The following RCOR1 variants were observed in gnomAD, a reference collection of about 807,000 sequenced individuals.
RCOR1 encodes the protein REST corepressor.
A neutral mutation model predicts 64.0 loss-of-function variants in RCOR1; 12 were observed. The observed-to-expected ratio is 0.19, with a 90% confidence interval of 0.12 to 0.30. RCOR1 has a LOEUF of 0.30. Among genes scored for constraint, RCOR1 ranks in the 10% least tolerant of loss-of-function variants. RCOR1 has a pLI of 1.00. For synonymous variants in RCOR1, 279 were observed against 227.2 expected (o/e 1.23, Z -2.05); for missense variants, 502 against 621.2 (o/e 0.81, Z 2.04).
At chr14:102,678,228 A>G (rs1895232082) in intron 2 of RCOR1, among the ~76,000 whole-genome samples, 1 of 151,774 alleles carries the variant, frequency 6.6e-6, no homozygotes, top group Non-Finnish European at 1.5e-5. Flanking sequence ...GACGAGAGGG[A>G]GAGGGAGAGG....
chr14:102,700,824 ATTAG>A (rs778876315), intron 3 of RCOR1, among the ~76,000 whole-genome samples: 7 of 152,030 alleles, frequency 4.6e-5, no homozygotes, highest in African/African-American at 1.2e-4. Flanking sequence ...GGACAAGTGT[ATTAG>A]TCCGTTTTTA....
At chr14:102,673,825 G>A (rs922733992) in intron 2 of RCOR1, among the ~76,000 whole-genome samples, 1 of 151,672 alleles carries the variant, frequency 6.6e-6, no homozygotes, top group African/African-American at 2.4e-5. Context: ...ATGTTGCTCA[G>A]GCTGGTCTCG....
chr14:102,603,500 T>C (rs1284342415), intron 2 of RCOR1, among the ~76,000 whole-genome samples: 2 of 152,138 alleles, frequency 1.3e-5, no homozygotes, highest in Non-Finnish European at 2.9e-5. Context: ...AATATTTGTA[T>C]TTTTTGTAGA....
chr14:102,606,681 G>T (rs553911070), intron 2 of RCOR1, among the ~76,000 whole-genome samples: 2 of 151,122 alleles, frequency 1.3e-5, no homozygotes, highest in Non-Finnish European at 2.9e-5. Flanking sequence ...CCCCAGGCTG[G>T]AGTGCAGTGG....
chr14:102,650,978 C>T, intron 2 of RCOR1: 1 of 844,920 alleles, frequency 1.2e-6, no homozygotes. Context: ...GACTTAGACT[C>T]ATAATAGAAT....
chr14:102,671,206 G>A (rs1895027111), intron 2 of RCOR1, among the ~76,000 whole-genome samples: 1 of 152,082 alleles, frequency 6.6e-6, no homozygotes, highest in South Asian at 2.1e-4. Flanking sequence ...TTCTGACTCA[G>A]GTCATTGAGG....
chr14:102,676,733 A>ACC (rs1336016586), intron 2 of RCOR1, among the ~76,000 whole-genome samples: 9 of 50,766 alleles, frequency 1.8e-4, no homozygotes, highest in Admixed American at 4.0e-4. Context: ...CGGGGGGCTG[A>ACC]CCCCCCCCAC....
At chr14:102,599,973 G>T (rs1893351937) in intron 2 of RCOR1, among the ~76,000 whole-genome samples, 1 of 152,084 alleles carries the variant, frequency 6.6e-6, no homozygotes. Context: ...TTGAGCCCAG[G>T]CTGGTCTCTA....
At chr14:102,699,923 C>T (rs527264625) in intron 3 of RCOR1, among the ~76,000 whole-genome samples, 28 of 152,200 alleles carry the variant, frequency 1.8e-4, no homozygotes, top group African/African-American at 6.3e-4. Flanking sequence ...TTGGGGGTGG[C>T]AGCTTCTCCT....
At chr14:102,616,343 C>A (rs1893763095) in intron 2 of RCOR1, among the ~76,000 whole-genome samples, 1 of 152,002 alleles carries the variant, frequency 6.6e-6, no homozygotes, top group Non-Finnish European at 1.5e-5. Flanking sequence ...GATCACAGCT[C>A]ACTGCAGCTT....
chr14:102,639,497 T>TTTTTTTTATTTA (rs1555463397), intron 2 of RCOR1, among the ~76,000 whole-genome samples: 2 of 135,388 alleles, frequency 1.5e-5, no homozygotes, highest in Non-Finnish European at 3.1e-5. Flanking sequence ...ATTTTTTAAT[T>TTTTTTTTATTTA]TTTATTTATT....
At chr14:102,719,478 CTA>C (rs1595245479) in intron 8 of RCOR1, among the ~76,000 whole-genome samples, 2 of 152,098 alleles carry the variant, frequency 1.3e-5, no homozygotes, top group East Asian at 3.9e-4. Flanking sequence ...CAATTCCCAC[CTA>C]TGAGTGAGAA....
chr14:102,676,280 G>A (rs905076759), intron 2 of RCOR1, among the ~76,000 whole-genome samples: 11 of 148,388 alleles, frequency 7.4e-5, no homozygotes, highest in African/African-American at 1.0e-4. Context: ...CTTCCCAGTA[G>A]GGGCGGCCGG....
chr14:102,720,030 C>G (rs991648866), intron 8 of RCOR1, among the ~76,000 whole-genome samples: 2 of 152,124 alleles, frequency 1.3e-5, no homozygotes, highest in African/African-American at 4.8e-5. Flanking sequence ...CCAGCAGCCC[C>G]ATGTGTGGTT....
At chr14:102,636,425 C>A (rs987772401) in intron 2 of RCOR1, among the ~76,000 whole-genome samples, 5 of 151,838 alleles carry the variant, frequency 3.3e-5, no homozygotes, top group African/African-American at 7.3e-5. Flanking sequence ...TTACAGGTGC[C>A]TGCCACCACA....
At chr14:102,655,126 T>C in intron 2 of RCOR1, 2 of 310,172 alleles carry the variant, frequency 6.4e-6, no homozygotes, top group Non-Finnish European at 9.3e-6. Flanking sequence ...TTTTTTTTTT[T>C]TTTTTTTTTA....
chr14:102,724,426 G>C, intron 11 of RCOR1, among the ~76,000 whole-genome samples: 1 of 152,004 alleles, frequency 6.6e-6, no homozygotes, highest in Non-Finnish European at 1.5e-5. Flanking sequence ...CCAGGTTCAA[G>C]TGCTTCTCCT....
chr14:102,651,892 C>T (rs535729098), intron 2 of RCOR1, among the ~76,000 whole-genome samples: 2 of 152,228 alleles, frequency 1.3e-5, no homozygotes, highest in Admixed American at 1.3e-4. Context: ...ATTTAGATAG[C>T]CCTGTAGACC....
intron 2 of RCOR1, among the ~76,000 whole-genome samples, chr14:102,677,234 C>G (rs1330551540): frequency 6.9e-5 from 9 of 129,684 alleles, no homozygotes; most frequent in Non-Finnish European, 3.3e-5. Flanking sequence ...CCCTCCCGGA[C>G]GGGGTGGCTG....
Sources: allele counts gnomAD v4.1 joint callset (sites outside exome capture counted in the v4.1 genomes callset), GRCh38; gene constraint gnomAD v4.1.1; transcripts MANE v1.5; gene names NCBI Gene and HGNC (gene_info 2026-07-23, HGNC 2026-07-21).